Variants in SEMA3D observed in about 807,000 individuals in gnomAD.
The protein encoded by SEMA3D is semaphorin-3D.
A neutral mutation model predicts 100.1 loss-of-function variants in SEMA3D; 84 were observed. The ratio of observed to expected loss-of-function variants is 0.84; its 90% CI spans 0.70 to 1.01. SEMA3D has a LOEUF of 1.01. Among genes scored for constraint, SEMA3D ranks in the 50% least tolerant of loss-of-function variants. The pLI, the probability that SEMA3D is intolerant of heterozygous loss-of-function variation, is 0.00. For missense variants in SEMA3D, 875 were observed against 934.1 expected, an observed-to-expected ratio of 0.94 and a Z score of 0.82; for synonymous variants, 312 against 320.7, an observed-to-expected ratio of 0.97 and a Z score of 0.29.
intron 2 of SEMA3D, chr7:85,140,741 G>C (rs1790023619): frequency 3.1e-6 from 3 of 978,174 alleles, no homozygotes. Context: ...TGGTTTCCCT[G>C]GGGATTGGCC....
chr7:85,030,417 C>G (rs1790515294), intron 12 of SEMA3D, among the ~76,000 whole-genome samples: 1 of 151,884 alleles, frequency 6.6e-6, no homozygotes, highest in South Asian at 2.1e-4. Flanking sequence ...AAGCTTTCAT[C>G]TGTAAAAGTA....
chr7:85,083,901 A>C (rs571194442), intron 4 of SEMA3D, among the ~76,000 whole-genome samples: 79 of 149,758 alleles, frequency 5.3e-4, no homozygotes, highest in South Asian at 3.8e-3. Flanking sequence ...TAATCCCAGC[A>C]CTTTGGGAGG....
the SEMA3D span, among the ~76,000 whole-genome samples, chr7:85,237,474 C>A: frequency 6.6e-6 from 1 of 152,124 alleles, no homozygotes; most frequent in East Asian, 1.9e-4. Context: ...CTGTGGCAAC[C>A]ACTAATATTG....
At chr7:85,063,216 T>G (rs1162886272) in intron 8 of SEMA3D, among the ~76,000 whole-genome samples, 1 of 152,132 alleles carries the variant, frequency 6.6e-6, no homozygotes. Context: ...CATTCAGGAA[T>G]TAAGCACAAA....
At chr7:85,094,801 G>A (rs1239768097) in intron 4 of SEMA3D, among the ~76,000 whole-genome samples, 4 of 151,950 alleles carry the variant, frequency 2.6e-5, no homozygotes, top group Non-Finnish European at 4.4e-5. Context: ...TAGCCGAAGA[G>A]AGGCCTTACG....
chr7:85,050,101 A>G (rs943729973), intron 9 of SEMA3D, among the ~76,000 whole-genome samples: 11 of 151,542 alleles, frequency 7.3e-5, no homozygotes, highest in East Asian at 1.9e-4. Flanking sequence ...ACACACACAC[A>G]CACACACACA....
chr7:85,049,852 G>T (rs1791111189), intron 9 of SEMA3D, among the ~76,000 whole-genome samples: 1 of 151,804 alleles, frequency 6.6e-6, no homozygotes, highest in Admixed American at 6.6e-5. Flanking sequence ...CTGAATTCCT[G>T]GCATGGGGAA....
intron 1 of SEMA3D, chr7:85,160,056 G>T (rs529745950): frequency 2.1e-6 from 2 of 934,632 alleles, no homozygotes; most frequent in African/African-American, 1.8e-5. Context: ...TTATTGAACT[G>T]CAAACAGTAA....
rs1392758654 is a variant in SEMA3D at position 84,998,082 on chromosome 7, GA to G, written c.*1357del. On this transcript the variant is annotated 3_prime_UTR_variant, in exon 19 of 19. Coordinates refer to ENST00000284136, the MANE Select transcript of SEMA3D (RefSeq NM_001384900.1). Reference sequence around the variant, plus strand: ...TTACAACAGATTAACTCAGCAATGAGAAAAGGTTGAGTGAAGATGTCAAAGA... The same window carrying G: ...TTACAACAGATTAACTCAGCAATGAGAAAGGTTGAGTGAAGATGTCAAAGA... 3 of 152,146 alleles carry G rather than the reference GA, an allele frequency of 2.0e-5. No individual in the cohort carries two copies. The highest frequency in any genetic ancestry group is 1.3e-4 in the Admixed American group (2 of 15,276). The allele number at this position is 152,146 out of a possible 1,614,324, so 9.4% of individuals were successfully genotyped here.
At chr7:85,241,490 T>TATATATATATATATATATATATATA in the SEMA3D span, among the ~76,000 whole-genome samples, 1 of 140,416 alleles carries the variant, frequency 7.1e-6, no homozygotes, top group Non-Finnish European at 1.5e-5. Flanking sequence ...TATATATATA[T>TATATATATATATATATATATATATA]ATGAATACTA....
intron 15 of SEMA3D, among the ~76,000 whole-genome samples, chr7:85,017,458 CA>C (rs1790136868): frequency 6.6e-6 from 1 of 151,612 alleles, no homozygotes; most frequent in African/African-American, 2.4e-5. Context: ...AAATAAATGA[CA>C]AAGCCCTGAA....
Position 85,055,744 on chromosome 7 carries a change from G to A in SEMA3D, c.834C>T (p.Ile278=), listed in dbSNP as rs779139353. 2 of 1,530,696 alleles carry A rather than the reference G, an allele frequency of 1.3e-6. No homozygotes were observed. The highest frequency in any genetic ancestry group is 1.4e-5 in the African/African-American group (1 of 71,584). 94.8% of individuals were successfully genotyped at this position (1,530,696 alleles called of 1,614,324 possible). A position where few individuals can be genotyped will look rare whatever the true frequency, so the allele number is the denominator to read the frequency against. ...SQEGSTSDKT[I]LSRVGRVCKN... Reference sequence around the variant, plus strand: ...TACAAACTCTTCCAACTCGAGAAAGGATGGTTTTATCGGAGGTACTGCCTT... The same window carrying A: ...TACAAACTCTTCCAACTCGAGAAAGAATGGTTTTATCGGAGGTACTGCCTT... The change falls in exon 9 of 19, where the codon ATC becomes ATT. Residue 278 remains isoleucine (I), a synonymous_variant. Coordinates refer to ENST00000284136, the MANE Select transcript of SEMA3D (RefSeq NM_001384900.1).
At chr7:85,098,043 A>C in intron 3 of SEMA3D, 78 bp from the exon 4 acceptor site, 1 of 744,526 alleles carries the variant, frequency 1.3e-6, no homozygotes, top group Non-Finnish European at 2.1e-6. Flanking sequence ...AGAAAGAAGA[A>C]AGAAAAAGAA....
At chr7:85,041,907 T>A (rs1446458660) in intron 10 of SEMA3D, 5 of 427,336 alleles carry the variant, frequency 1.2e-5, no homozygotes, top group African/African-American at 6.0e-5. Context: ...GTTCCAGAGC[T>A]CACACCTTTC....
intron 3 of SEMA3D, among the ~76,000 whole-genome samples, chr7:85,104,948 A>G (rs1021583831): frequency 1.3e-5 from 2 of 152,046 alleles, no homozygotes; most frequent in Non-Finnish European, 2.9e-5. Context: ...GAGAAACTTC[A>G]CAACTAAAAA....
At chr7:85,168,418 A>G (rs1254982085) in intron 1 of SEMA3D, among the ~76,000 whole-genome samples, 2 of 151,790 alleles carry the variant, frequency 1.3e-5, no homozygotes, top group African/African-American at 4.8e-5. Context: ...CCATGCTTTG[A>G]TGTAAATGTC....
chr7:85,206,628 G>T, the SEMA3D span, among the ~76,000 whole-genome samples: 1 of 152,050 alleles, frequency 6.6e-6, no homozygotes, highest in Non-Finnish European at 1.5e-5. Flanking sequence ...GGTATTAATG[G>T]ACTGTCTTGG....
At chr7:85,033,858 T>TACACACACACACACACACACACACAC (rs71082183) in intron 12 of SEMA3D, among the ~76,000 whole-genome samples, 1 of 141,096 alleles carries the variant, frequency 7.1e-6, no homozygotes, top group African/African-American at 2.6e-5. Flanking sequence ...ATCACACACA[T>TACACACACACACACACACACACACAC]ACACACACAC....
At chr7:85,080,075 G>A (rs1397202835) in intron 5 of SEMA3D, among the ~76,000 whole-genome samples, 1 of 151,998 alleles carries the variant, frequency 6.6e-6, no homozygotes, top group Non-Finnish European at 1.5e-5. Flanking sequence ...ATATATTTCC[G>A]CTAATATAAA....
Sources: allele counts gnomAD v4.1 joint callset (sites outside exome capture counted in the v4.1 genomes callset), GRCh38; gene constraint gnomAD v4.1.1; transcripts MANE v1.5; gene names NCBI Gene and HGNC (gene_info 2026-07-23, HGNC 2026-07-21).